Variants in RBM19 observed in about 807,000 individuals in gnomAD.
RBM19 encodes probable RNA-binding protein 19.
In RBM19, 94 loss-of-function variants were observed where a neutral mutation model predicts 116.8. That is an observed-to-expected ratio of 0.80 (90% CI 0.68 to 0.95). The LOEUF is 0.95. RBM19 is among the 40% of genes least tolerant of loss of function. The pLI, the probability that RBM19 is intolerant of heterozygous loss-of-function variation, is 0.00. For synonymous variants in RBM19, 475 were observed against 494.1 expected (o/e 0.96, Z 0.51); for missense variants, 1,161 against 1,220.7 (o/e 0.95, Z 0.73).
chr12:113,901,786 A>G (rs969226037), intron 21 of RBM19, among the ~76,000 whole-genome samples: 1 of 152,048 alleles, frequency 6.6e-6, no homozygotes, highest in Admixed American at 6.6e-5. Context: ...AAGTGCTGGG[A>G]TTACAGGCGT....
At chr12:113,885,076 A>T (rs1047218062) in intron 21 of RBM19, among the ~76,000 whole-genome samples, 3 of 152,222 alleles carry the variant, frequency 2.0e-5, no homozygotes, top group Admixed American at 1.3e-4. Flanking sequence ...TCAGGTAAGG[A>T]TCTTCAGTGG....
intron 21 of RBM19, among the ~76,000 whole-genome samples, chr12:113,904,199 C>T (rs186663967): frequency 1.0e-3 from 154 of 152,220 alleles, no homozygotes; most frequent in South Asian, 2.3e-3. Flanking sequence ...CCAATAAGCA[C>T]GTGGTTATTT....
At chr12:113,935,857 A>C (rs760651838) in intron 16 of RBM19, among the ~76,000 whole-genome samples, 12 of 152,078 alleles carry the variant, frequency 7.9e-5, no homozygotes, top group Non-Finnish European at 1.3e-4. Context: ...AATATGGTGA[A>C]ACCCCGTCTC....
intron 21 of RBM19, among the ~76,000 whole-genome samples, chr12:113,878,508 A>C (rs1879832112): frequency 6.6e-6 from 1 of 152,178 alleles, no homozygotes; most frequent in Non-Finnish European, 1.5e-5. Flanking sequence ...GGCATCGGCC[A>C]TCGCAGGCCC....
chr12:113,895,646 G>A (rs1009700499), intron 21 of RBM19, among the ~76,000 whole-genome samples: 1 of 152,112 alleles, frequency 6.6e-6, no homozygotes, highest in Non-Finnish European at 1.5e-5. Context: ...AAGGAGATTC[G>A]CAAATGAGTG....
At chr12:113,884,335 G>A (rs1348739170) in intron 21 of RBM19, among the ~76,000 whole-genome samples, 14 of 108,072 alleles carry the variant, frequency 1.3e-4, no homozygotes, top group South Asian at 3.0e-4. Flanking sequence ...ACACACACAC[G>A]TACTTTTTGC....
In RBM19 at chr12:113,825,082, G is replaced by C. The variant is rs569688288; in HGVS notation, c.2786-1761C>G. 5.9e-5 allele frequency among the ~76,000 whole-genome samples: 9 copies of C among 152,324 alleles called. No homozygotes were observed. In the East Asian group the frequency reaches 1.7e-3, roughly 29 times the overall value. ...CCCACACTGCCGCAGGCCTTTCTTT[G>C]TGTGGGATGTTGTCTCACTCACTGC... On this transcript the variant is annotated intron_variant, in intron 23 of 23. Coordinates refer to ENST00000261741, the MANE Select transcript of RBM19 (RefSeq NM_016196.4). The surrounding 1 kb of genome is among the most constrained non-coding windows in gnomAD (Gnocchi z 5.7).
At chr12:113,837,818 A>C (rs1433872530) in intron 23 of RBM19, among the ~76,000 whole-genome samples, 1 of 152,254 alleles carries the variant, frequency 6.6e-6, no homozygotes, top group African/African-American at 2.4e-5. Flanking sequence ...GCGACAGTAC[A>C]GTAAATTGAC....
chr12:113,905,567 C>G (rs1169048835), intron 21 of RBM19, among the ~76,000 whole-genome samples: 2 of 151,614 alleles, frequency 1.3e-5, no homozygotes, highest in African/African-American at 2.4e-5. Flanking sequence ...TTAGCAGACA[C>G]AAAAAGTTAT....
chr12:113,856,995 T>C (rs1248582872), intron 22 of RBM19, among the ~76,000 whole-genome samples: 2 of 152,256 alleles, frequency 1.3e-5, no homozygotes, highest in Admixed American at 6.5e-5. Context: ...CTTTGAAGTT[T>C]GTATTGTAAC....
chr12:113,880,342 T>C (rs1004393481), intron 21 of RBM19, among the ~76,000 whole-genome samples: 15 of 151,164 alleles, frequency 9.9e-5, no homozygotes, highest in African/African-American at 3.4e-4. Context: ...GTACCTCCCC[T>C]ACCCTCACTG....
intron 14 of RBM19, among the ~76,000 whole-genome samples, chr12:113,941,866 C>A (rs1052755793): frequency 2.0e-5 from 3 of 152,198 alleles, no homozygotes; most frequent in African/African-American, 7.2e-5. Context: ...GTTGGTATCC[C>A]AGATTGTAAA....
At chr12:113,960,896 C>G (rs746930959) in intron 2 of RBM19, among the ~76,000 whole-genome samples, 1 of 152,352 alleles carries the variant, frequency 6.6e-6, no homozygotes, top group Non-Finnish European at 1.5e-5. Context: ...ACCTCCAATA[C>G]ACTCCTCTGA....
chr12:113,837,104 T>TACATACATACATACAC (rs1876016989), intron 23 of RBM19, among the ~76,000 whole-genome samples: 1 of 128,026 alleles, frequency 7.8e-6, no homozygotes, highest in Non-Finnish European at 1.6e-5. Context: ...CATACATACA[T>TACATACATACATACAC]ACATACACAC....
intron 21 of RBM19, among the ~76,000 whole-genome samples, chr12:113,867,841 A>G (rs1157901600): frequency 6.6e-6 from 1 of 152,160 alleles, no homozygotes; most frequent in Non-Finnish European, 1.5e-5. Context: ...AGGCAGGAGA[A>G]CTGCTTGAAC....
chr12:113,838,996 G>T (rs1273542231), intron 23 of RBM19, among the ~76,000 whole-genome samples: 2 of 152,232 alleles, frequency 1.3e-5, no homozygotes, highest in Non-Finnish European at 2.9e-5. Flanking sequence ...CTGCCGAATG[G>T]TTAAGATGCC....
chr12:113,890,003 G>A (rs1880838091), intron 21 of RBM19, among the ~76,000 whole-genome samples: 1 of 152,142 alleles, frequency 6.6e-6, no homozygotes, highest in Non-Finnish European at 1.5e-5. Context: ...AGCTACCTCC[G>A]GCTTTCCGGG....
At chr12:113,907,840 T>G (rs754900471) in intron 21 of RBM19, among the ~76,000 whole-genome samples, 1 of 152,112 alleles carries the variant, frequency 6.6e-6, no homozygotes, top group Non-Finnish European at 1.5e-5. Flanking sequence ...CTCATCAAGG[T>G]AGGATGAGGT....
In RBM19 at chr12:113,869,581, G is replaced by A. The variant is rs568651241; in HGVS notation, c.2559-10685C>T. ...GCTAATCCCATTACAAGAAAATAAA[G>A]TGGATAATTCAGGCTAATGAAATCG... On this transcript the variant is annotated intron_variant, in intron 21 of 23. Coordinates refer to ENST00000261741, the MANE Select transcript of RBM19 (RefSeq NM_016196.4). Among the ~76,000 whole-genome samples, 8 of 152,316 alleles carry A rather than the reference G, an allele frequency of 5.3e-5. No individual in the cohort carries two copies. The East Asian group carries it at 1.5e-3, about 29-fold the overall frequency.
Sources: allele counts gnomAD v4.1 joint callset (sites outside exome capture counted in the v4.1 genomes callset), GRCh38; gene constraint gnomAD v4.1.1; non-coding constraint Gnocchi (gnomAD v3.1); transcripts MANE v1.5; gene names NCBI Gene and HGNC (gene_info 2026-07-23, HGNC 2026-07-21).